The following TTC6 variants were observed in gnomAD, a reference collection of about 807,000 sequenced individuals.
TTC6 encodes tetratricopeptide repeat domain 6, also known as tetratricopeptide repeat protein 6.
In TTC6, 172 loss-of-function variants were observed where a neutral mutation model predicts 210.4. The ratio of observed to expected loss-of-function variants is 0.82; its 90% CI spans 0.72 to 0.93. TTC6 has a LOEUF of 0.93. Among genes scored for constraint, TTC6 ranks in the 40% least tolerant of loss-of-function variants. TTC6 has a pLI of 0.00. For missense variants in TTC6, 2,414 were observed against 2,318.1 expected, an observed-to-expected ratio of 1.04 and a Z score of -0.85; for synonymous variants, 804 against 819.6, an observed-to-expected ratio of 0.98 and a Z score of 0.32.
intron 3 of TTC6, among the ~76,000 whole-genome samples, chr14:37,688,355 C>T (rs564257860): frequency 9.2e-5 from 14 of 152,186 alleles, no homozygotes; most frequent in African/African-American, 2.6e-4. Context: ...TGGTTGCACC[C>T]GGGGTCTGAG....
chr14:37,726,801 A>T (rs1489771961), intron 7 of TTC6, among the ~76,000 whole-genome samples: 1 of 152,000 alleles, frequency 6.6e-6, no homozygotes, highest in Admixed American at 6.6e-5. Context: ...TTTCTTGTCA[A>T]TTGGCAACAT....
chr14:37,612,522 C>A (rs558907058), intron 2 of TTC6, among the ~76,000 whole-genome samples: 1 of 152,270 alleles, frequency 6.6e-6, no homozygotes. Context: ...CTTGTAATTT[C>A]TATTTAAAAA....
chr14:37,630,913 T>G (rs1421542761), intron 1 of TTC6, among the ~76,000 whole-genome samples: 1 of 42,174 alleles, frequency 2.4e-5, no homozygotes, highest in East Asian at 5.1e-4. Context: ...CCCTGTTTTT[T>G]TTTTTTTTTT....
intron 14 of TTC6, among the ~76,000 whole-genome samples, chr14:37,783,119 G>A (rs2096059335): frequency 6.6e-6 from 1 of 152,102 alleles, no homozygotes; most frequent in Non-Finnish European, 1.5e-5. Flanking sequence ...GCCAGGCTTT[G>A]GTATGAGGAT....
chr14:37,783,097 T>G (rs1266799391), intron 14 of TTC6, among the ~76,000 whole-genome samples: 7 of 152,278 alleles, frequency 4.6e-5, no homozygotes, highest in African/African-American at 1.7e-4. Flanking sequence ...CTCTTTTTTT[T>G]GTTGTGTCTC....
At chr14:37,831,934 T>G (rs2139020120) in intron 29 of TTC6, among the ~76,000 whole-genome samples, 1 of 152,296 alleles carries the variant, frequency 6.6e-6, no homozygotes, top group South Asian at 2.1e-4. Flanking sequence ...CTTTTTCAGC[T>G]TGATATAAAC....
At chr14:37,793,761 G>A (rs1264497086) in intron 17 of TTC6, among the ~76,000 whole-genome samples, 5 of 152,306 alleles carry the variant, frequency 3.3e-5, no homozygotes, top group East Asian at 3.9e-4. Flanking sequence ...TCTGAGAGAC[G>A]AAAATCTCTG....
At chr14:37,781,389 G>GC (rs1464037072) in intron 14 of TTC6, among the ~76,000 whole-genome samples, 5 of 152,090 alleles carry the variant, frequency 3.3e-5, no homozygotes, top group African/African-American at 1.2e-4. Context: ...GTGATGATGA[G>GC]CATTTTTTCA....
chr14:37,650,753 T>C (rs922817539), intron 1 of TTC6, among the ~76,000 whole-genome samples: 3 of 152,234 alleles, frequency 2.0e-5, no homozygotes, highest in Non-Finnish European at 4.4e-5. Flanking sequence ...TGTAAAAATA[T>C]ATTTTTGCAT....
exon 25 of TTC6, chr14:37,812,323 G>T: frequency 6.2e-7 from 1 of 1,611,402 alleles, no homozygotes; most frequent in Non-Finnish European, 8.5e-7. Flanking sequence ...GGCATTAACA[G>T]ATTATGGAAT....
intron 3 of TTC6, among the ~76,000 whole-genome samples, chr14:37,684,701 T>A (rs1463678025): frequency 6.6e-6 from 1 of 152,200 alleles, no homozygotes; most frequent in Non-Finnish European, 1.5e-5. Flanking sequence ...TTTATTTGTG[T>A]TAACATCTCA....
At chr14:37,632,957 C>G (rs376608969) in intron 1 of TTC6, among the ~76,000 whole-genome samples, 1 of 152,172 alleles carries the variant, frequency 6.6e-6, no homozygotes, top group Non-Finnish European at 1.5e-5. Context: ...GGGCAGACAA[C>G]GCCCCCTCCT....
intron 5 of TTC6, among the ~76,000 whole-genome samples, chr14:37,705,229 G>T (rs1406708166): frequency 6.6e-6 from 1 of 152,078 alleles, no homozygotes; most frequent in Non-Finnish European, 1.5e-5. Flanking sequence ...TCAATTTTTG[G>T]AAAATATGTG....
At chr14:37,595,651 G>T (rs1305640038), upstream of TTC6, among the ~76,000 whole-genome samples, 1 of 152,066 alleles carries the variant, frequency 6.6e-6, no homozygotes, top group African/African-American at 2.4e-5. Context: ...GGGCGGTGGC[G>T]TCGGAGACTG....
At chr14:37,739,026 C>T (rs1480344232) in exon 10 of TTC6, 1 of 1,535,198 alleles carries the variant, frequency 6.5e-7, no homozygotes, top group Non-Finnish European at 8.7e-7. Flanking sequence ...ATTGAAGCGT[C>T]TAAAAAAGCT....
chr14:37,749,234 G>C, exon 11 of TTC6: 1 of 1,529,918 alleles, frequency 6.5e-7, no homozygotes, highest in Non-Finnish European at 8.7e-7. Context: ...TGATTATGTG[G>C]AGTCTGATCT....
rs1209044250 is a variant in TTC6, at chr14:37,842,150, TGCAG to T, written c.5525-4_5525-1del. 2.0e-6 allele frequency: 3 copies of T among 1,527,644 alleles called. No individual in the cohort carries two copies. Among genetic ancestry groups the T allele is most frequent in the Admixed American group, 2.2e-5 (1 of 45,292 alleles). The allele number at this position is 1,527,644 out of a possible 1,614,324, so 94.6% of individuals were successfully genotyped here. Reference sequence around the variant, plus strand: ...AAATATATCTTGATTTTTTTTCTTTTGCAGCCCTGTCTTTGAAGCCTAATGATGC... The same window carrying T: ...AAATATATCTTGATTTTTTTTCTTTTCCCTGTCTTTGAAGCCTAATGATGC... On this transcript the variant is annotated splice_acceptor_variant and splice_polypyrimidine_tract_variant and intron_variant, in intron 30 of 30. Coordinates refer to ENST00000553443, the Ensembl canonical transcript of TTC6. LOFTEE classifies it high-confidence loss of function.
At chr14:37,637,114 C>CA (rs1467097954) in intron 1 of TTC6, among the ~76,000 whole-genome samples, 4 of 151,428 alleles carry the variant, frequency 2.6e-5, no homozygotes, top group African/African-American at 9.7e-5. Flanking sequence ...CAAACCAAAC[C>CA]AAAAAAGAAG....
At chr14:37,700,450 A>T (rs1292064413) in intron 4 of TTC6, among the ~76,000 whole-genome samples, 2 of 152,134 alleles carry the variant, frequency 1.3e-5, no homozygotes, top group Non-Finnish European at 2.9e-5. Context: ...GGATTAAGAA[A>T]GGAGATTTTT....
Sources: gnomAD v4.1 joint callset for allele counts (sites outside exome capture counted in the v4.1 genomes callset) on GRCh38, gnomAD v4.1.1 for gene constraint, MANE v1.5 for transcripts, NCBI Gene and HGNC (gene_info 2026-07-23, HGNC 2026-07-21) for gene names.